Variants in MYH7 observed in about 807,000 individuals in gnomAD.
MYH7 encodes myosin-7.
A neutral mutation model predicts 225.4 loss-of-function variants in MYH7; 129 were observed. The observed-to-expected ratio is 0.57, with a 90% CI of 0.50 to 0.66. The LOEUF (loss-of-function observed/expected upper bound fraction) is 0.66. Ranked by LOEUF, MYH7 falls within the 30% of genes least tolerant of loss-of-function variation. The pLI, the probability that MYH7 is intolerant of heterozygous loss-of-function variation, is 0.00. For synonymous variants in MYH7, 971 were observed against 1,007.6 expected, an observed-to-expected ratio of 0.96 and a Z score of 0.69; for missense variants, 1,649 against 2,517.0, an observed-to-expected ratio of 0.66 and a Z score of 7.38.
In MYH7 at chr14:23,413,877, G is replaced by A. The variant is rs2138635423; in HGVS notation, c.5672C>T (p.Thr1891Ile). The change falls in exon 39 of 40, where the codon ACC (threonine) becomes ATC (isoleucine). Residue 1891 changes from threonine (T) to isoleucine (I), a missense_variant. By Grantham distance (89) the Thr-to-Ile change is moderately conservative. Around this residue, in one of 12 missense-constraint regions of MYH7, gnomAD observed 687 missense variants for 913.8 expected, o/e 0.75. Transcript: ENST00000355349. Reference sequence around the variant, plus strand: ...CACCTTGCGGAACTTGGACAGGTTGGTGTTGGCTTGCTCCTCCTGCGGGAG... The same window carrying A: ...CACCTTGCGGAACTTGGACAGGTTGATGTTGGCTTGCTCCTCCTGCGGGAG... ...QAEEAEEQANTNLSKFRKVQH... is the reference protein window; with the variant it reads ...QAEEAEEQANINLSKFRKVQH... The A allele has an allele frequency of 6.2e-7, 1 of 1,614,282 alleles. No individual in the cohort carries two copies. Among genetic ancestry groups the A allele is most frequent in the African/African-American group, 1.3e-5 (1 of 75,078 alleles).
rs1450871131 is a variant in MYH7 at position 23,425,207 on chromosome 14, C to A, written c.2423+75G>T. The A allele has an allele frequency of 3.1e-6, 5 of 1,612,648 alleles. No homozygotes were observed. Among genetic ancestry groups the A allele is most frequent in the Middle Eastern group, 1.7e-4 (1 of 6,060 alleles). On this transcript the variant is annotated intron_variant, in intron 21 of 39. Coordinates refer to ENST00000355349, the MANE Select transcript of MYH7 (RefSeq NM_000257.4). The surrounding 1 kb of genome is among the most constrained non-coding windows in gnomAD (Gnocchi z 4.6). ...TCTCTGTGTTTGAAGATCTGCTGAG[C>A]TTTTTTTCCTGACACTGCCCCTGAA... is the stretch of plus-strand genomic sequence containing the variant.
intron 17 of MYH7, 145 bp downstream of exon 17, chr14:23,427,095 A>G (rs1480995669): frequency 2.3e-6 from 2 of 863,800 alleles, no homozygotes; most frequent in Non-Finnish European, 1.9e-6. Flanking sequence ...GATGACGGGA[A>G]GAGAAGACAG....
At position 23,417,614 on chromosome 14, in the gene MYH7, C is replaced by T; in HGVS notation, c.4242G>A (p.Leu1414=). The stretch of plus-strand genomic sequence containing the variant: ...TCTGTAGCCGGTGCTTGGTCTTCTC[C>T]AGCGAGGAGCACTTGGCATTAACAG... ...VEAVNAKCSS[L]EKTKHRLQNE... The change falls in exon 31 of 40, where the codon CTG becomes CTA. Residue 1414 remains leucine, a synonymous_variant. Transcript: ENST00000355349. The T allele has an allele frequency of 6.2e-7, 1 of 1,612,928 alleles. No homozygotes were observed. The highest frequency in any genetic ancestry group is 8.5e-7 in the Non-Finnish European group (1 of 1,180,052).
intron 33 of MYH7, 134 bp downstream of exon 33, chr14:23,416,734 C>T: frequency 7.1e-7 from 1 of 1,402,194 alleles, no homozygotes; most frequent in South Asian, 1.2e-5. Flanking sequence ...CACTGAATGC[C>T]TACTATGTGC....
In MYH7 at chr14:23,415,408, C is replaced by T. The variant is rs1329139239; in HGVS notation, c.5256G>A (p.Glu1752=). The T allele has an allele frequency of 6.2e-7, 1 of 1,614,258 alleles. No individual in the cohort carries two copies. The highest frequency in any genetic ancestry group is 2.2e-5 in the East Asian group (1 of 44,886). ...CCGTGATGGCCTTCTTGGCCTTCTC[C>T]TCAGCATTCCTGCACTCCTGCACTG... is the stretch of plus-strand genomic sequence containing the variant. ...EEAVQECRNA[E]EKAKKAITDA... Residue 1752 remains glutamate (E), a synonymous_variant, in exon 36 of 40, where the codon GAG becomes GAA. Coordinates refer to ENST00000355349, the MANE Select transcript of MYH7 (RefSeq NM_000257.4). The surrounding 1 kb of genome is among the most constrained non-coding windows in gnomAD (Gnocchi z 6.3).
In MYH7 at chr14:23,424,802, C is replaced by T. The variant is rs1566531295; in HGVS notation, c.2646G>A (p.Gln882=). ...CTTGGAGCTGCAGGTCATTCTTCTCCTGCAGCAGGGACACCATCTTCTCCT... is the reference window on the plus strand; with the variant it reads ...CTTGGAGCTGCAGGTCATTCTTCTCTTGCAGCAGGGACACCATCTTCTCCT... ...ELEEKMVSLL[Q]EKNDLQLQVQ... is the part of the protein sequence containing the mutation. Residue 882 remains glutamine (Q), a synonymous_variant, in exon 22 of 40, where the codon CAG becomes CAA. Transcript: ENST00000355349. 1 of 1,614,230 alleles carries T rather than the reference C, an allele frequency of 6.2e-7. No individual in the cohort carries two copies.
Position 23,423,623 on chromosome 14 carries a change from T to C in MYH7, c.3023A>G (p.Asp1008Gly). The change falls in exon 24 of 40, where the codon GAT (aspartate) becomes GGT (glycine). Residue 1008 changes from aspartate to glycine, a missense_variant. Physicochemically the swap from Asp to Gly is moderately conservative, Grantham distance 94. Around this residue, in one of 12 missense-constraint regions of MYH7, gnomAD observed 282 missense variants for 315.3 expected, o/e 0.89. Transcript: ENST00000355349. ...CTTGTCCTCCTCGGCCTGAAGGTCA[T>C]CCAGAGCCTGTTGGTGGGCCTCTTG... is the stretch of plus-strand genomic sequence containing the variant. ...ALQEAHQQAL[D>G]DLQAEEDKVN... The C allele has an allele frequency of 1.9e-6, 3 of 1,614,174 alleles. No individual in the cohort carries two copies. The highest frequency in any genetic ancestry group is 2.5e-6 in the Non-Finnish European group (3 of 1,180,036).
Position 23,415,994 on chromosome 14 carries a change from G to A in MYH7, c.4953+10C>T. On this transcript the variant is annotated intron_variant, in intron 34 of 39. Coordinates refer to ENST00000355349, the MANE Select transcript of MYH7 (RefSeq NM_000257.4). This position sits in a 1 kb window ranked among gnomAD's most constrained non-coding sequence, Gnocchi z 6.3. ...GGCCACGTGGAGGCCAGTCCCCTCT[G>A]GGTGAGTACCTTCAACAAGCTCTGG... is the stretch of plus-strand genomic sequence containing the variant. 1 of 1,614,108 alleles carries A rather than the reference G, an allele frequency of 6.2e-7. No homozygotes were observed. Among genetic ancestry groups the A allele is most frequent in the Non-Finnish European group, 8.5e-7 (1 of 1,180,030 alleles).
Position 23,424,114 on chromosome 14 carries a change from A to G in MYH7, c.2715T>C (p.Cys905=), listed in dbSNP as rs1231740034. 3 of 1,614,174 alleles carry G rather than the reference A, an allele frequency of 1.9e-6. No individual in the cohort carries two copies. Among genetic ancestry groups the G allele is most frequent in the Admixed American group, 3.3e-5 (2 of 60,024 alleles). ...QDNLADAEER[C]DQLIKNKIQL... ...GAATCTTGTTTTTGATCAGCTGATC[A>G]CAGCGCTCCTCAGCATCTGCCAGGT... The change falls in exon 23 of 40, where the codon TGT becomes TGC. Residue 905 remains cysteine, a synonymous_variant. Coordinates refer to ENST00000355349, the MANE Select transcript of MYH7 (RefSeq NM_000257.4).
chr14:23,434,410 A>G (rs1429535649), intron 1 of MYH7, 161 bp from the exon 2 acceptor site: 1 of 284,700 alleles, frequency 3.5e-6, no homozygotes, highest in Non-Finnish European at 5.3e-6. Flanking sequence ...TGTTTTTCAA[A>G]CCCTATTCCC....
At chr14:23,420,822 T>C in intron 26 of MYH7, 136 bp downstream of exon 26, 1 of 722,290 alleles carries the variant, frequency 1.4e-6, no homozygotes, top group Admixed American at 2.0e-5. Context: ...GGGCACACTG[T>C]GATAGCTGCG....
At chr14:23,423,433 AC>A in intron 24 of MYH7, 113 bp downstream of exon 24, 1 of 1,343,180 alleles carries the variant, frequency 7.4e-7, no homozygotes, top group South Asian at 1.2e-5. Context: ...AAACATAAAC[AC>A]AAACACACAC....
intron 37 of MYH7, among the ~76,000 whole-genome samples, chr14:23,414,539 C>T (rs1471550254): frequency 6.6e-6 from 1 of 152,192 alleles, no homozygotes; most frequent in East Asian, 1.9e-4. Flanking sequence ...GAGATAGTGA[C>T]ATCCTGGATT....
chr14:23,427,273 G>T lies in MYH7; in HGVS notation c.1923C>A (p.Gly641=). The T allele has an allele frequency of 1.2e-6, 2 of 1,614,144 alleles. No individual in the cohort carries two copies. Among genetic ancestry groups the T allele is most frequent in the Non-Finnish European group, 1.7e-6 (2 of 1,180,028 alleles). ...IEKGKGKAKK[G]SSFQTVSALH... is the part of the protein sequence containing the mutation. Reference sequence around the variant, plus strand: ...GAGCTGACACAGTCTGAAAGGACGAGCCTTTCTTGGCCTTGCCTTTGCCCT... The same window carrying T: ...GAGCTGACACAGTCTGAAAGGACGATCCTTTCTTGGCCTTGCCTTTGCCCT... Residue 641 remains glycine (G), a synonymous_variant, in exon 17 of 40, where the codon GGC becomes GGA. Transcript: ENST00000355349.
Position 23,433,665 on chromosome 14 carries a change from C to T in MYH7, c.68G>A (p.Arg23Gln), listed in dbSNP as rs1169518192. Residue 23 changes from arginine (R) to glutamine (Q), a missense_variant, in exon 3 of 40, where the codon CGG becomes CAG. Arg to Gln is a conservative substitution (Grantham distance 43). This residue lies in a region of MYH7 where 91 missense variants were observed against 96.5 expected (regional missense o/e 0.94). Coordinates refer to ENST00000355349, the MANE Select transcript of MYH7 (RefSeq NM_000257.4). The surrounding 1 kb of genome is among the most constrained non-coding windows in gnomAD (Gnocchi z 4.1). The stretch of plus-strand genomic sequence containing the variant: ...AAAAGGCCTGGTCTGCGCTTCTAGC[C>T]GCTCCTTCTCTGACTTGCGCAGGTA... ...APYLRKSEKE[R>Q]LEAQTRPFDL... 3 of 1,614,162 alleles carry T rather than the reference C, an allele frequency of 1.9e-6. No individual in the cohort carries two copies. The highest frequency in any genetic ancestry group is 2.2e-5 in the East Asian group (1 of 44,904).
chr14:23,424,048 C>T lies in MYH7; in HGVS notation c.2781G>A (p.Glu927=), dbSNP rs1738989186. The change falls in exon 23 of 40, where the codon GAG becomes GAA. Residue 927 remains glutamate (E), a synonymous_variant. Transcript: ENST00000355349. ...AKVKEMNERL[E]DEEEMNAELT... The stretch of plus-strand genomic sequence containing the variant: ...GCTCAGCATTCATCTCCTCCTCATC[C>T]TCCAGCCTCTCGTTCATCTCCTTCA... 1 of 1,614,262 alleles carries T rather than the reference C, an allele frequency of 6.2e-7. No individual in the cohort carries two copies. The highest frequency in any genetic ancestry group is 1.3e-5 in the African/African-American group (1 of 75,066).
rs928524191 is a variant in MYH7 at position 23,412,769 on chromosome 14, C to T, written c.*85G>A. 1 of 1,523,910 alleles carries T rather than the reference C, an allele frequency of 6.6e-7. No individual in the cohort carries two copies. The highest frequency in any genetic ancestry group is 1.4e-5 in the African/African-American group (1 of 72,926). The allele number at this position is 1,523,910 out of a possible 1,614,324, so 94.4% of individuals were successfully genotyped here. ...CTTCAAGGAAAATTGCTTTATTCTG[C>T]TTCCTCCCAAGGAGCTGTTACACAG... On this transcript the variant is annotated 3_prime_UTR_variant, in exon 40 of 40. Coordinates refer to ENST00000355349, the MANE Select transcript of MYH7 (RefSeq NM_000257.4).
chr14:23,433,400 A>T lies in MYH7; in HGVS notation c.201+132T>A, dbSNP rs1893025759. 1.4e-6 allele frequency: 2 copies of T among 1,425,524 alleles called. No individual in the cohort carries two copies. The highest frequency in any genetic ancestry group is 4.6e-5 in the East Asian group (2 of 43,700). 88.3% of individuals were successfully genotyped at this position (1,425,524 alleles called of 1,614,324 possible). On this transcript the variant is annotated intron_variant, in intron 3 of 39. Transcript: ENST00000355349. The surrounding 1 kb of genome is among the most constrained non-coding windows in gnomAD (Gnocchi z 4.1). ...GGAGAGGGCTCTTTGGAGGGTCTGG[A>T]TTCTTCCCCAAAGGGAAGGAGAATG...
In MYH7 at chr14:23,433,245, C is replaced by G. The variant is rs1175336912; in HGVS notation, c.202-18G>C. 6 of 1,614,036 alleles carry G rather than the reference C, an allele frequency of 3.7e-6. No homozygotes were observed. Among genetic ancestry groups the G allele is most frequent in the Non-Finnish European group, 5.1e-6 (6 of 1,180,020 alleles). On this transcript the variant is annotated intron_variant, in intron 3 of 39. Coordinates refer to ENST00000355349, the MANE Select transcript of MYH7 (RefSeq NM_000257.4). This position sits in a 1 kb window ranked among gnomAD's most constrained non-coding sequence, Gnocchi z 4.1. ...GTCACTGTCTGCAAGAGCCCCCACC[C>G]AAGCCCTCCTGTCAGCCTGGGCTTT...
Sources: allele counts gnomAD v4.1 joint callset (sites outside exome capture counted in the v4.1 genomes callset), GRCh38; gene constraint gnomAD v4.1.1; regional missense constraint gnomAD v4.1.1; non-coding constraint Gnocchi (gnomAD v3.1); transcripts MANE v1.5; gene names NCBI Gene and HGNC (gene_info 2026-07-23, HGNC 2026-07-21).